The following DAB1 variants were observed in gnomAD, a reference collection of about 807,000 sequenced individuals.
DAB1 encodes the protein disabled homolog 1.
In DAB1, 15 loss-of-function variants were observed where a neutral mutation model predicts 64.6. The ratio of observed to expected loss-of-function variants is 0.23; its 90% CI spans 0.16 to 0.36. The LOEUF (loss-of-function observed/expected upper bound fraction) is 0.36. DAB1 is among the 10% of genes least tolerant of loss of function. The pLI, the probability that DAB1 is intolerant of heterozygous loss-of-function variation, is 1.00. For missense variants in DAB1, 596 were observed against 706.7 expected (o/e 0.84, Z 1.78); for synonymous variants, 235 against 251.9 (o/e 0.93, Z 0.64).
At chr1:57,276,221 A>G (rs776193483) in intron 2 of DAB1, among the ~76,000 whole-genome samples, 2 of 152,210 alleles carry the variant, frequency 1.3e-5, no homozygotes, top group Non-Finnish European at 2.9e-5. Context: ...AACTGTTCTC[A>G]CTCATCGCCA....
chr1:58,159,745 C>T (rs904569194), intron 4 of DAB1, among the ~76,000 whole-genome samples: 21 of 152,184 alleles, frequency 1.4e-4, no homozygotes, highest in African/African-American at 4.6e-4. Context: ...AACCCTGATT[C>T]TTTCCAGCAA....
At chr1:58,338,286 C>T (rs763250476) in intron 4 of DAB1, among the ~76,000 whole-genome samples, 108 of 152,252 alleles carry the variant, frequency 7.1e-4, no homozygotes, top group Non-Finnish European at 1.2e-3. Flanking sequence ...TCCCCTCCCT[C>T]CTCCTGCTCT....
intron 3 of DAB1, among the ~76,000 whole-genome samples, chr1:58,407,803 G>C (rs1251318250): frequency 6.6e-6 from 1 of 152,152 alleles, no homozygotes; most frequent in Non-Finnish European, 1.5e-5. Context: ...CCATGGAGCA[G>C]CCAAAGTAAG....
chr1:57,068,184 T>A (rs1007312341), intron 8 of DAB1, among the ~76,000 whole-genome samples: 2 of 152,226 alleles, frequency 1.3e-5, no homozygotes, highest in African/African-American at 4.8e-5. Flanking sequence ...TTAGGATGAT[T>A]GGTTAATGGT....
intron 14 of DAB1, among the ~76,000 whole-genome samples, chr1:57,007,897 TG>T (rs1319781832): frequency 2.6e-5 from 4 of 152,134 alleles, no homozygotes; most frequent in African/African-American, 9.7e-5. Context: ...GATGGGGGAA[TG>T]GGATGGAGAT....
chr1:57,377,923 T>C (rs1251677882), intron 1 of DAB1, among the ~76,000 whole-genome samples: 1 of 152,126 alleles, frequency 6.6e-6, no homozygotes, highest in East Asian at 1.9e-4. Context: ...GAAAGGGTCC[T>C]TCTACAGGAC....
intron 5 of DAB1, among the ~76,000 whole-genome samples, chr1:57,945,040 C>A (rs147865091): frequency 6.6e-6 from 1 of 152,288 alleles, no homozygotes; most frequent in African/African-American, 2.4e-5. Context: ...TGTAAGTGAT[C>A]TTTTAGAATC....
intron 2 of DAB1, among the ~76,000 whole-genome samples, chr1:57,227,013 CA>C (rs58869076): frequency 0.16 from 22,299 of 137,258 alleles, 3,819 homozygotes; most frequent in African/African-American, 0.44. Flanking sequence ...CACCATCTCT[CA>C]AAAAAAAAAA....
chr1:58,377,613 T>C (rs1644341793), intron 3 of DAB1, among the ~76,000 whole-genome samples: 1 of 138,736 alleles, frequency 7.2e-6, no homozygotes. Context: ...GCCCTTAACA[T>C]TTTTTCCTTC....
exon 3 of DAB1, chr1:58,506,187 C>T (rs1489776663): frequency 2.3e-6 from 2 of 871,838 alleles, no homozygotes; most frequent in African/African-American, 1.6e-5. Flanking sequence ...AAACACTGAA[C>T]TGGCTCTTAT....
intron 5 of DAB1, among the ~76,000 whole-genome samples, chr1:57,899,741 C>T (rs1644445646): frequency 6.6e-6 from 1 of 151,970 alleles, no homozygotes; most frequent in Admixed American, 6.6e-5. Context: ...TTTCATTCAC[C>T]TTTCTTTTAA....
At chr1:57,303,722 A>T (rs1673876760) in intron 1 of DAB1, among the ~76,000 whole-genome samples, 1 of 152,170 alleles carries the variant, frequency 6.6e-6, no homozygotes, top group African/African-American at 2.4e-5. Flanking sequence ...CATTTTCAGT[A>T]GAAGTAGAAA....
chr1:58,323,051 G>C (rs1164571070), intron 4 of DAB1, among the ~76,000 whole-genome samples: 1 of 151,120 alleles, frequency 6.6e-6, no homozygotes, highest in Non-Finnish European at 1.5e-5. Context: ...GAGAACACTT[G>C]GGCACAGGGC....
chr1:57,949,513 CTG>C (rs1645237780), intron 5 of DAB1, among the ~76,000 whole-genome samples: 5 of 137,712 alleles, frequency 3.6e-5, no homozygotes, highest in African/African-American at 1.4e-4. Context: ...CTATCTATAT[CTG>C]TCTGTCTGTC....
chr1:57,569,337 C>T (rs1203555028), intron 7 of DAB1, among the ~76,000 whole-genome samples: 5 of 150,866 alleles, frequency 3.3e-5, no homozygotes, highest in Non-Finnish European at 7.4e-5. Flanking sequence ...GGAACCAACC[C>T]AAATGTCCAT....
intron 6 of DAB1, among the ~76,000 whole-genome samples, chr1:57,718,669 A>G (rs183555505): frequency 1.3e-5 from 2 of 152,354 alleles, no homozygotes; most frequent in East Asian, 3.8e-4. Context: ...CCAGGCTTAC[A>G]ATGCAATCAA....
At chr1:57,862,897 C>T (rs1317254559) in intron 1 of DAB1, 1 of 152,108 alleles carries the variant, frequency 6.6e-6, no homozygotes, top group Non-Finnish European at 1.5e-5. Context: ...GAAAATAGAC[C>T]TATCATGCAA....
At chr1:58,009,466 G>A (rs554875209) in intron 5 of DAB1, among the ~76,000 whole-genome samples, 1 of 152,018 alleles carries the variant, frequency 6.6e-6, no homozygotes, top group Non-Finnish European at 1.5e-5. Context: ...TATATTATTG[G>A]GACTCATTCT....
chr1:58,053,207 T>C (rs1191281771), intron 5 of DAB1, among the ~76,000 whole-genome samples: 1 of 152,216 alleles, frequency 6.6e-6, no homozygotes, highest in Non-Finnish European at 1.5e-5. Flanking sequence ...CCACTCTTGG[T>C]ACCAGTTTTC....
Sources: allele counts gnomAD v4.1 joint callset (sites outside exome capture counted in the v4.1 genomes callset), GRCh38; gene constraint gnomAD v4.1.1; transcripts MANE v1.5; gene names NCBI Gene and HGNC (gene_info 2026-07-23, HGNC 2026-07-21).